The following ARB2A variants were observed in gnomAD, a reference collection of about 807,000 sequenced individuals.
ARB2A encodes ARB2 cotranscriptional regulator A.
chr5:93,620,462 T>C, the ARB2A span: 4 of 148,436 alleles, frequency 2.7e-5, no homozygotes, highest in African/African-American at 1.0e-4. Flanking sequence ...GGAGTGTGTG[T>C]GGAACTTCCT....
the ARB2A span, among the ~76,000 whole-genome samples, chr5:94,075,259 A>C: frequency 6.6e-6 from 1 of 152,070 alleles, no homozygotes; most frequent in African/African-American, 2.4e-5. Flanking sequence ...AGTATCTACA[A>C]ATTTCCTATA....
the ARB2A span, among the ~76,000 whole-genome samples, chr5:93,839,176 T>G: frequency 6.6e-6 from 1 of 152,204 alleles, no homozygotes; most frequent in African/African-American, 2.4e-5. Context: ...GGCTGTGGGT[T>G]TGTCATAGAT....
At chr5:93,688,127 C>A in the ARB2A span, among the ~76,000 whole-genome samples, 7 of 152,154 alleles carry the variant, frequency 4.6e-5, no homozygotes, top group Non-Finnish European at 7.4e-5. Flanking sequence ...GCGTGCGCCA[C>A]CATACCTGGC....
At chr5:94,002,257 G>A in the ARB2A span, among the ~76,000 whole-genome samples, 52 of 151,890 alleles carry the variant, frequency 3.4e-4, no homozygotes, top group African/African-American at 1.2e-3. Context: ...TTCAAAAATG[G>A]CTCCTTTTCT....
the ARB2A span, among the ~76,000 whole-genome samples, chr5:94,028,623 T>C: frequency 6.6e-6 from 1 of 152,218 alleles, no homozygotes; most frequent in Non-Finnish European, 1.5e-5. Context: ...TTTCTCTTAA[T>C]ATTTAATTTT....
At chr5:93,856,720 G>C in the ARB2A span, among the ~76,000 whole-genome samples, 1 of 151,830 alleles carries the variant, frequency 6.6e-6, no homozygotes, top group African/African-American at 2.4e-5. Flanking sequence ...CTTTGTCTTT[G>C]GTTTGAATTT....
the ARB2A span, among the ~76,000 whole-genome samples, chr5:93,718,088 T>C: frequency 6.6e-6 from 1 of 150,666 alleles, no homozygotes. Context: ...CCACCTCAGC[T>C]TCCCAAGTGC....
chr5:94,069,293 G>A, the ARB2A span, among the ~76,000 whole-genome samples: 2 of 152,070 alleles, frequency 1.3e-5, no homozygotes, highest in African/African-American at 4.8e-5. Flanking sequence ...AACTCAAGAT[G>A]GATTAAAGAT....
At chr5:93,855,934 C>T in the ARB2A span, among the ~76,000 whole-genome samples, 252 of 151,992 alleles carry the variant, frequency 1.7e-3, no homozygotes, top group Non-Finnish European at 2.8e-3. Flanking sequence ...GAACGCAGTT[C>T]CTCACCAGTA....
At chr5:93,741,647 G>A in the ARB2A span, 5 of 1,413,742 alleles carry the variant, frequency 3.5e-6, no homozygotes, top group Non-Finnish European at 3.7e-6. Flanking sequence ...CTCAAGCCCC[G>A]CCCCCCAGTG....
At chr5:93,780,816 C>T in the ARB2A span, among the ~76,000 whole-genome samples, 1 of 152,142 alleles carries the variant, frequency 6.6e-6, no homozygotes, top group Non-Finnish European at 1.5e-5. Flanking sequence ...GCCTTGGCCT[C>T]CCAACATGTT....
At chr5:93,932,241 A>G in the ARB2A span, among the ~76,000 whole-genome samples, 40 of 152,304 alleles carry the variant, frequency 2.6e-4, no homozygotes, top group South Asian at 7.9e-3. Context: ...TTTGTGAGTC[A>G]GTTGTTAAAA....
At chr5:93,984,092 A>C in the ARB2A span, among the ~76,000 whole-genome samples, 1 of 152,186 alleles carries the variant, frequency 6.6e-6, no homozygotes, top group Admixed American at 6.5e-5. Context: ...AAATTTCTTG[A>C]TTCTGATAAT....
chr5:94,021,767 C>T, the ARB2A span, among the ~76,000 whole-genome samples: 4 of 152,188 alleles, frequency 2.6e-5, no homozygotes, highest in Non-Finnish European at 5.9e-5. Context: ...CATGTTGATA[C>T]ACATCAAAAT....
chr5:93,936,607 G>C, the ARB2A span, among the ~76,000 whole-genome samples: 1 of 152,106 alleles, frequency 6.6e-6, no homozygotes, highest in Admixed American at 6.5e-5. Flanking sequence ...AAGTATAATT[G>C]TTGAGTATGG....
chr5:93,722,168 G>C, the ARB2A span, among the ~76,000 whole-genome samples: 1 of 152,116 alleles, frequency 6.6e-6, no homozygotes, highest in Admixed American at 6.5e-5. Flanking sequence ...GGATTCATGG[G>C]AAGAATACAT....
the ARB2A span, among the ~76,000 whole-genome samples, chr5:93,668,442 A>G: frequency 1.3e-5 from 2 of 152,226 alleles, no homozygotes; most frequent in Non-Finnish European, 2.9e-5. Context: ...AAAAATGACT[A>G]TGATCTATAA....
At chr5:93,955,321 TA>T in the ARB2A span, among the ~76,000 whole-genome samples, 1 of 152,244 alleles carries the variant, frequency 6.6e-6, no homozygotes, top group African/African-American at 2.4e-5. Flanking sequence ...TTTTATTCAT[TA>T]TTTTTATGTG....
the ARB2A span, among the ~76,000 whole-genome samples, chr5:93,893,556 T>A: frequency 6.6e-6 from 1 of 152,210 alleles, no homozygotes; most frequent in Non-Finnish European, 1.5e-5. Context: ...GAATTTCACA[T>A]GCTATTTGCC....
Sources: gnomAD v4.1 joint callset for allele counts (sites outside exome capture counted in the v4.1 genomes callset) on GRCh38, gnomAD v4.1.1 for gene constraint, MANE v1.5 for transcripts, NCBI Gene and HGNC (gene_info 2026-07-23, HGNC 2026-07-21) for gene names.